Variants in STK24 observed in about 807,000 individuals in gnomAD.
STK24 encodes serine/threonine kinase 24, also known as serine/threonine-protein kinase 24.
A neutral mutation model predicts 55.6 loss-of-function variants in STK24; 21 were observed. The observed-to-expected ratio is 0.38, with a 90% CI of 0.27 to 0.54. The LOEUF (loss-of-function observed/expected upper bound fraction) is 0.54, where lower values mean the gene tolerates loss of function less well. Ranked by LOEUF, STK24 falls within the 20% of genes least tolerant of loss-of-function variation. The pLI, the probability that STK24 is intolerant of heterozygous loss-of-function variation, is 0.79. For synonymous variants in STK24, 200 were observed against 215.2 expected (o/e 0.93, Z 0.62); for missense variants, 383 against 538.4 (o/e 0.71, Z 2.86).
intron 7 of STK24, among the ~76,000 whole-genome samples, chr13:98,463,346 A>T (rs1893791734): frequency 6.6e-6 from 1 of 152,222 alleles, no homozygotes; most frequent in Non-Finnish European, 1.5e-5. Flanking sequence ...GGCCTTTCAG[A>T]CATCCATGTA....
At chr13:98,498,547 G>A (rs1322149561) in intron 2 of STK24, among the ~76,000 whole-genome samples, 2 of 152,236 alleles carry the variant, frequency 1.3e-5, no homozygotes, top group Admixed American at 6.5e-5. Context: ...ATGGGATCCT[G>A]TAACTTGGGA....
chr13:98,548,861 C>CAAAAAAAAAAAAAA, intron 1 of STK24, among the ~76,000 whole-genome samples: 1 of 37,800 alleles, frequency 2.6e-5, no homozygotes, highest in African/African-American at 8.9e-5. Context: ...GACTCTGTCT[C>CAAAAAAAAAAAAAA]AAAAAAAAAA....
chr13:98,545,389 G>GT (rs1897002180), intron 1 of STK24, among the ~76,000 whole-genome samples: 1 of 152,124 alleles, frequency 6.6e-6, no homozygotes, highest in Admixed American at 6.5e-5. Flanking sequence ...GCTCATGCCT[G>GT]TAATCCCGGC....
intron 1 of STK24, among the ~76,000 whole-genome samples, chr13:98,547,090 T>C (rs1208894105): frequency 1.3e-5 from 2 of 152,108 alleles, no homozygotes; most frequent in African/African-American, 2.4e-5. Flanking sequence ...TTTTTTGTAT[T>C]TTTAGTAGAG....
At chr13:98,474,630 A>G (rs923720191) in intron 5 of STK24, among the ~76,000 whole-genome samples, 191 bp downstream of exon 5, 8 of 152,178 alleles carry the variant, frequency 5.3e-5, no homozygotes, top group Non-Finnish European at 8.8e-5. Flanking sequence ...CTGGATCAGC[A>G]CAGGGTATTA....
intron 1 of STK24, among the ~76,000 whole-genome samples, chr13:98,574,749 C>G (rs748335238): frequency 6.6e-6 from 1 of 152,004 alleles, no homozygotes; most frequent in African/African-American, 2.4e-5. Flanking sequence ...AAAAACAGTT[C>G]CCATGTAACA....
At chr13:98,563,867 A>C (rs1225569757) in intron 1 of STK24, among the ~76,000 whole-genome samples, 2 of 152,142 alleles carry the variant, frequency 1.3e-5, no homozygotes, top group Non-Finnish European at 2.9e-5. Context: ...CTCAAAAAAA[A>C]AAAAAAAAGT....
At chr13:98,505,540 G>A (rs1167616307) in intron 2 of STK24, among the ~76,000 whole-genome samples, 1 of 152,174 alleles carries the variant, frequency 6.6e-6, no homozygotes, top group African/African-American at 2.4e-5. Flanking sequence ...CAATGACAGG[G>A]AAGAGTCATT....
intron 2 of STK24, among the ~76,000 whole-genome samples, chr13:98,503,358 T>C (rs1374989354): frequency 1.3e-5 from 2 of 152,088 alleles, no homozygotes; most frequent in Non-Finnish European, 2.9e-5. Flanking sequence ...AGAAACCTGA[T>C]TAAAACAAAC....
intron 10 of STK24, chr13:98,455,056 T>C (rs1893388042): frequency 6.6e-6 from 1 of 152,222 alleles, no homozygotes; most frequent in Non-Finnish European, 1.5e-5. Context: ...TGAATGGAGA[T>C]GTGCTAAGTG....
In STK24 at chr13:98,453,124, G is replaced by A. The variant is rs756310664; in HGVS notation, c.*49C>T. 6 of 1,604,608 alleles carry A rather than the reference G, an allele frequency of 3.7e-6. No homozygotes were observed. In the East Asian group the frequency reaches 1.3e-4, roughly 36 times the overall value. ...TCGTTGACTTTTAAAAAAGGAGGAG[G>A]ATGAAGAAGGAAAAAAGGAAAAACA... On this transcript the variant is annotated 3_prime_UTR_variant, in exon 11 of 11. Coordinates refer to ENST00000539966, the MANE Select transcript of STK24 (RefSeq NM_001032296.4).
At chr13:98,571,456 C>T (rs1257104038) in intron 1 of STK24, among the ~76,000 whole-genome samples, 1 of 152,110 alleles carries the variant, frequency 6.6e-6, no homozygotes, top group East Asian at 1.9e-4. Context: ...AGGTCACTTG[C>T]TTTTATGTGA....
intron 5 of STK24, among the ~76,000 whole-genome samples, chr13:98,473,143 C>T (rs551477707): frequency 6.7e-6 from 1 of 149,718 alleles, no homozygotes; most frequent in Non-Finnish European, 1.5e-5. Flanking sequence ...GACTTTTGTT[C>T]TTGTCTACTC....
At position 98,447,916 on chromosome 13, in the gene STK24, C is replaced by T. The variant is rs1892953934; in HGVS notation, c.*5257G>A. 2.6e-6 allele frequency: 1 copy of T among 386,108 alleles called. No homozygotes were observed. Among genetic ancestry groups the T allele is most frequent in the Non-Finnish European group, 4.7e-6 (1 of 211,338 alleles). 23.9% of individuals were successfully genotyped at this position (386,108 alleles called of 1,614,324 possible). ...AGGATGGGACACGTCCCGCCATTCTCTGCCATGTCCATGAAAATAGGAGGT... is the reference window on the plus strand; with the variant it reads ...AGGATGGGACACGTCCCGCCATTCTTTGCCATGTCCATGAAAATAGGAGGT... On this transcript the variant is annotated 3_prime_UTR_variant, in exon 11 of 11. Transcript: ENST00000539966.
intron 1 of STK24, among the ~76,000 whole-genome samples, chr13:98,523,771 G>A (rs771823397): frequency 6.6e-6 from 1 of 152,234 alleles, no homozygotes; most frequent in African/African-American, 2.4e-5. Context: ...GAGAAATCGT[G>A]AGCCTGCTGT....
chr13:98,531,851 T>G (rs184539674), intron 1 of STK24, among the ~76,000 whole-genome samples: 14 of 152,264 alleles, frequency 9.2e-5, no homozygotes, highest in Admixed American at 9.2e-4. Flanking sequence ...TGGAACTGCA[T>G]AGACGCAGGA....
intron 2 of STK24, among the ~76,000 whole-genome samples, chr13:98,509,664 A>G (rs1175431511): frequency 6.6e-6 from 1 of 152,160 alleles, no homozygotes. Flanking sequence ...CCACACCCAA[A>G]AGGCCCAGCT....
chr13:98,460,213 G>GTGCCTGA lies in STK24; in HGVS notation c.1122+158_1122+159insTCAGGCA, dbSNP rs549308859. Among the ~76,000 whole-genome samples, 46 of 46,142 alleles carry GTGCCTGA rather than the reference G, an allele frequency of 1.0e-3. 1 individual carries two copies. In the South Asian group the frequency reaches 0.02, roughly 20 times the overall value. The allele number at this position is 46,142 out of a possible 152,430, so 30.3% of individuals were successfully genotyped here. A position where few individuals can be genotyped will look rare whatever the true frequency, so the allele number is the denominator to read the frequency against. The stretch of plus-strand genomic sequence containing the variant: ...CCCAGGACAGGGGAGGCGCAAGGTG[G>GTGCCTGA]TGCTGACAGCCTTTGGGAAGGCACC... On this transcript the variant is annotated intron_variant, in intron 9 of 10. Coordinates refer to ENST00000539966, the MANE Select transcript of STK24 (RefSeq NM_001032296.4).
At chr13:98,535,352 ACAAACAAAC>A (rs1566391726) in intron 1 of STK24, among the ~76,000 whole-genome samples, 24 of 46,646 alleles carry the variant, frequency 5.1e-4, no homozygotes, top group African/African-American at 1.6e-3. Flanking sequence ...AAACAAACAA[ACAAACAAAC>A]AAAAAAAAAA....
Sources: gnomAD v4.1 joint callset for allele counts (sites outside exome capture counted in the v4.1 genomes callset) on GRCh38, gnomAD v4.1.1 for gene constraint, MANE v1.5 for transcripts, NCBI Gene and HGNC (gene_info 2026-07-23, HGNC 2026-07-21) for gene names.